SALL3: variants seen among roughly 807,000 people sequenced by gnomAD.
SALL3 encodes the protein spalt like transcription factor 3, also known as sal-like protein 3.
A neutral mutation model predicts 66.2 loss-of-function variants in SALL3; 25 were observed. That is an observed-to-expected ratio of 0.38 (90% confidence interval 0.28 to 0.53). The LOEUF (loss-of-function observed/expected upper bound fraction) is 0.53, where lower values mean the gene tolerates loss of function less well. Among genes scored for constraint, SALL3 ranks in the 20% least tolerant of loss-of-function variants. The probability of loss-of-function intolerance (pLI) is 0.85; values close to 1 mark genes in which losing one functional copy is unlikely to be tolerated. For synonymous variants in SALL3, 1,152 were observed against 899.1 expected (o/e 1.28, Z -5.03); for missense variants, 2,194 against 1,916.5 (o/e 1.14, Z -2.70).
chr18:78,992,309 C>T lies in SALL3; in HGVS notation c.318C>T (p.Arg106=), dbSNP rs1363161568. 2.3e-5 allele frequency: 35 copies of T among 1,500,682 alleles called. No homozygotes were observed. Among genetic ancestry groups the T allele is most frequent in the Middle Eastern group, 1.8e-4 (1 of 5,492 alleles). The allele number at this position is 1,500,682 out of a possible 1,614,324, so 93.0% of individuals were successfully genotyped here. Residue 106 remains arginine, a synonymous_variant, in exon 2 of 3, where the codon CGC becomes CGT. Coordinates refer to ENST00000537592, the MANE Select transcript of SALL3 (RefSeq NM_171999.4). ...CGCCCGCCAGCTCCCCCAGCGAGCG[C>T]GCCGAAAGCGAGGCGGCCGAGGAGG... The part of the protein sequence containing the change: ...EPSPASSPSE[R]AESEAAEEAG...
Position 78,994,082 on chromosome 18 carries a change from C to G in SALL3, c.2091C>G (p.His697Gln). Residue 697 changes from histidine (H) to glutamine (Q), a missense_variant, in exon 2 of 3, where the codon CAC (histidine) becomes CAG (glutamine). Coordinates refer to ENST00000537592, the MANE Select transcript of SALL3 (RefSeq NM_171999.4). The part of the protein sequence containing the change: ...VLSCQSALKM[H>Q]YRTHTGERPF... ...GCTGCCAGAGCGCGCTGAAGATGCACTACCGGACGCACACGGGGGAGCGGC... is the reference window on the plus strand; with the variant it reads ...GCTGCCAGAGCGCGCTGAAGATGCAGTACCGGACGCACACGGGGGAGCGGC... 1.2e-6 allele frequency: 2 copies of G among 1,612,992 alleles called. No individual in the cohort carries two copies. The highest frequency in any genetic ancestry group is 1.7e-6 in the Non-Finnish European group (2 of 1,179,962).
chr18:78,995,575 G>T (rs779597800), intron 2 of SALL3, 113 bp downstream of exon 2: 394 of 1,430,082 alleles, frequency 2.8e-4, no homozygotes, highest in Non-Finnish European at 3.4e-4. Context: ...CCTGGCCAGG[G>T]GGGTGAGATG....
In SALL3 at chr18:78,993,089, T is replaced by A. The variant is rs1453287052; in HGVS notation, c.1098T>A (p.Thr366=). The change falls in exon 2 of 3, where the codon ACT becomes ACA. Residue 366 remains threonine (T), a synonymous_variant. Coordinates refer to ENST00000537592, the MANE Select transcript of SALL3 (RefSeq NM_171999.4). The part of the protein sequence containing the change: ...PGLPSPLLPQ[T]SASGVIFPNP... ...TGCCAAGTCCGCTTCTACCTCAGAC[T>A]TCCGCCAGCGGCGTCATCTTCCCCA... The A allele has an allele frequency of 1.9e-6, 3 of 1,599,574 alleles. No individual in the cohort carries two copies. The highest frequency in any genetic ancestry group is 2.5e-6 in the Non-Finnish European group (3 of 1,176,900).
At chr18:78,996,804 G>A (rs1914708284) in intron 2 of SALL3, 87 bp from the exon 3 acceptor site, 1 of 1,370,926 alleles carries the variant, frequency 7.3e-7, no homozygotes, top group South Asian at 1.4e-5. Context: ...GGAGCGGGGT[G>A]GACCTCTGTC....
intron 1 of SALL3, 79 bp downstream of exon 1, chr18:78,980,435 G>C: frequency 2.3e-6 from 2 of 874,604 alleles, no homozygotes; most frequent in Non-Finnish European, 3.0e-6. Context: ...GGCGGGAGCG[G>C]ATGCGCGCGT....
At chr18:78,985,368 C>T (rs988005870) in intron 1 of SALL3, among the ~76,000 whole-genome samples, 1 of 152,198 alleles carries the variant, frequency 6.6e-6, no homozygotes, top group Admixed American at 6.5e-5. Context: ...GTCGTTATTG[C>T]ATCTTGAACT....
rs752927603 is a variant in SALL3 at position 78,994,654 on chromosome 18, G to C, written c.2663G>C (p.Ser888Thr). ...DSSSAVGDLESRSAGSPALSE... is the reference protein window; with the variant it reads ...DSSSAVGDLETRSAGSPALSE... ...TCGTCGGCCGTGGGCGACCTGGAGAGCCGCAGCGCGGGCAGCCCCGCCCTG... is the reference window on the plus strand; with the variant it reads ...TCGTCGGCCGTGGGCGACCTGGAGACCCGCAGCGCGGGCAGCCCCGCCCTG... Residue 888 changes from serine (S) to threonine (T), a missense_variant, in exon 2 of 3, where the codon AGC becomes ACC. Coordinates refer to ENST00000537592, the MANE Select transcript of SALL3 (RefSeq NM_171999.4). The C allele has an allele frequency of 4.3e-6, 7 of 1,609,218 alleles. No individual in the cohort carries two copies. The South Asian group carries it at 7.7e-5, about 18-fold the overall frequency.
rs1014208881 is a variant in SALL3, at chr18:78,998,323, C to G, written c.*1001C>G. On this transcript the variant is annotated 3_prime_UTR_variant, in exon 3 of 3. Transcript: ENST00000537592. Reference sequence around the variant, plus strand: ...AATGTAAAGTATTTTATAAATAGTACTTCAGTTTAAGGAAAATGGGAAAAC... The same window carrying G: ...AATGTAAAGTATTTTATAAATAGTAGTTCAGTTTAAGGAAAATGGGAAAAC... The G allele has an allele frequency of 5.9e-5, 9 of 152,090 alleles. No individual in the cohort carries two copies. Among genetic ancestry groups the G allele is most frequent in the Non-Finnish European group, 1.2e-4 (8 of 68,008 alleles). The allele number at this position is 152,090 out of a possible 1,614,324, so 9.4% of individuals were successfully genotyped here. A position where few individuals can be genotyped will look rare whatever the true frequency, so the allele number is the denominator to read the frequency against.
rs1359502176 is a variant in SALL3, at chr18:78,979,922, G to A, written c.-353G>A. 7.0e-6 allele frequency among the ~76,000 whole-genome samples: 1 copy of A among 143,622 alleles called. No individual in the cohort carries two copies. Among genetic ancestry groups the A allele is most frequent in the African/African-American group, 2.5e-5 (1 of 40,012 alleles). 94.2% of individuals were successfully genotyped at this position (143,622 alleles called of 152,430 possible). ...CCCGGGCCCCGCCACAGCCGCACCC[G>A]GGGCGGCCGAGGAGCGCGGCGCCGG... On this transcript the variant is annotated 5_prime_UTR_variant, in exon 1 of 3. Coordinates refer to ENST00000537592, the MANE Select transcript of SALL3 (RefSeq NM_171999.4).
chr18:78,996,115 C>T (rs1277902458), intron 2 of SALL3, among the ~76,000 whole-genome samples: 1 of 152,180 alleles, frequency 6.6e-6, no homozygotes, highest in Non-Finnish European at 1.5e-5. Context: ...CCAAAAGGGC[C>T]CATGGGAGGG....
chr18:78,980,786 G>T (rs188276392), intron 1 of SALL3, among the ~76,000 whole-genome samples: 1,908 of 152,108 alleles, frequency 0.013, 34 homozygotes, highest in Admixed American at 0.026. Context: ...TGGGGACCCC[G>T]CCGCCCGGCC....
Position 78,997,225 on chromosome 18 carries a change from C to G in SALL3, c.3806C>G (p.Pro1269Arg). 1 of 1,614,050 alleles carries G rather than the reference C, an allele frequency of 6.2e-7. No individual in the cohort carries two copies. Among genetic ancestry groups the G allele is most frequent in the East Asian group, 2.2e-5 (1 of 44,880 alleles). The change falls in exon 3 of 3, where the codon CCA (proline) becomes CGA (arginine). Residue 1269 changes from proline (P) to arginine (R), a missense_variant. Physicochemically the swap from Pro to Arg is moderately radical, Grantham distance 103. Coordinates refer to ENST00000537592, the MANE Select transcript of SALL3 (RefSeq NM_171999.4). The part of the protein sequence containing the change: ...GMDKARTGSS[P>R]PIVSLDKASS... Reference sequence around the variant, plus strand: ...GACAAAGCACGCACTGGCAGTAGCCCACCCATCGTCAGCTTGGACAAAGCG... The same window carrying G: ...GACAAAGCACGCACTGGCAGTAGCCGACCCATCGTCAGCTTGGACAAAGCG...
rs1274269223 is a variant in SALL3 at position 78,997,115 on chromosome 18, C to T, written c.3696C>T (p.Val1232=). The stretch of plus-strand genomic sequence containing the variant: ...CCATGAAGAACAACGAGATCTCCGT[C>T]ATCCAGAACGGCGGCATCCCCCAGC... ...GLAMKNNEIS[V]IQNGGIPQLP... The change falls in exon 3 of 3, where the codon GTC becomes GTT. Residue 1232 remains valine, a synonymous_variant. Transcript: ENST00000537592. The T allele has an allele frequency of 1.9e-6, 3 of 1,614,124 alleles. No individual in the cohort carries two copies. Among genetic ancestry groups the T allele is most frequent in the South Asian group, 1.1e-5 (1 of 91,086 alleles).
intron 2 of SALL3, among the ~76,000 whole-genome samples, 198 bp from the exon 3 acceptor site, chr18:78,996,693 G>A (rs998907057): frequency 6.6e-6 from 1 of 152,182 alleles, no homozygotes; most frequent in Non-Finnish European, 1.5e-5. Context: ...TATATTTGTT[G>A]GTTTTGCTTA....
chr18:78,984,346 CT>C (rs1914167056), intron 1 of SALL3, among the ~76,000 whole-genome samples: 1 of 152,172 alleles, frequency 6.6e-6, no homozygotes, highest in Non-Finnish European at 1.5e-5. Flanking sequence ...CAATAAAAAT[CT>C]TTTTCACTTC....
Position 78,993,148 on chromosome 18 carries a change from C to T in SALL3, c.1157C>T (p.Ala386Val), listed in dbSNP as rs1224406737. The T allele has an allele frequency of 1.2e-6, 2 of 1,606,574 alleles. No homozygotes were observed. The highest frequency in any genetic ancestry group is 1.7e-5 in the Admixed American group (1 of 59,640). The change falls in exon 2 of 3, where the codon GCT becomes GTT. Residue 386 changes from alanine (A) to valine (V), a missense_variant. Physicochemically the swap from Ala to Val is moderately conservative, Grantham distance 64 (BLOSUM62 0). Coordinates refer to ENST00000537592, the MANE Select transcript of SALL3 (RefSeq NM_171999.4). ...GTCAGCATCGCGGCCACGGCCAACG[C>T]TCTGGACCCGCTGTCCGCGCTCATG... ...PLVSIAATAN[A>V]LDPLSALMKH...
At chr18:78,986,718 A>G (rs1442703472) in intron 1 of SALL3, among the ~76,000 whole-genome samples, 6 of 152,216 alleles carry the variant, frequency 3.9e-5, no homozygotes, top group Admixed American at 3.3e-4. Flanking sequence ...ATTGAAGTGG[A>G]TAAGTTAACA....
intron 1 of SALL3, among the ~76,000 whole-genome samples, chr18:78,984,011 A>G (rs886917158): frequency 1.3e-5 from 2 of 152,254 alleles, no homozygotes; most frequent in Admixed American, 6.5e-5. Flanking sequence ...TTTTATGTGC[A>G]GTACGTTTTC....
intron 1 of SALL3, among the ~76,000 whole-genome samples, chr18:78,983,774 C>T (rs1250987882): frequency 6.6e-6 from 1 of 152,178 alleles, no homozygotes; most frequent in South Asian, 2.1e-4. Flanking sequence ...GAGCTACTTT[C>T]TAACATTCAC....
Sources: allele counts gnomAD v4.1 joint callset (sites outside exome capture counted in the v4.1 genomes callset), GRCh38; gene constraint gnomAD v4.1.1; transcripts MANE v1.5; gene names NCBI Gene and HGNC (gene_info 2026-07-23, HGNC 2026-07-21).